Variants in ERBB4 observed in about 807,000 individuals in gnomAD.
The protein encoded by ERBB4 is receptor tyrosine-protein kinase erbB-4.
A neutral mutation model predicts 158.0 loss-of-function variants in ERBB4; 42 were observed. That is an observed-to-expected ratio of 0.27 (90% CI 0.21 to 0.34). ERBB4 has a LOEUF of 0.34. ERBB4 is among the 10% of genes least tolerant of loss of function. ERBB4 has a pLI of 1.00. For missense variants in ERBB4, 1,333 were observed against 1,624.1 expected, an observed-to-expected ratio of 0.82 and a Z score of 3.08; for synonymous variants, 583 against 558.7, an observed-to-expected ratio of 1.04 and a Z score of -0.61.
chr2:211,710,946 T>C (rs6435663), intron 9 of ERBB4, among the ~76,000 whole-genome samples: 105,232 of 151,578 alleles, frequency 0.69, 37,367 homozygotes, highest in African/African-American at 0.77. Context: ...CTGACTAATA[T>C]GGCTACCCAG....
intron 19 of ERBB4, among the ~76,000 whole-genome samples, chr2:211,611,425 G>GCTTTACTTTTGCTTTCA (rs2069193775): frequency 7.1e-6 from 1 of 140,722 alleles, no homozygotes; most frequent in South Asian, 2.1e-4. Context: ...TTTTGCTTTC[G>GCTTTACTTTTGCTTTCA]CTTTACTTTT....
rs529158613 is a variant in ERBB4, at chr2:211,422,052, C to G, written c.2919G>C (p.Glu973Asp). 6.2e-7 allele frequency: 1 copy of G among 1,612,624 alleles called. No homozygotes were observed. Among genetic ancestry groups the G allele is most frequent in the African/African-American group, 1.3e-5 (1 of 74,950 alleles). ...SRPKFKELAAEFSRMARDPQR... is the reference protein window; with the variant it reads ...SRPKFKELAADFSRMARDPQR... ...GAGGGTCTCGAGCCATCCTTGAAAA[C>G]TCAGCAGCCAGTTCCTTAAATTTAG... Residue 973 changes from glutamate (E) to aspartate (D), a missense_variant, in exon 24 of 28, where the codon GAG (glutamate) becomes GAC (aspartate). Physicochemically the swap from Glu to Asp is conservative, Grantham distance 45. This residue lies in a region of ERBB4 where 314 missense variants were observed against 437.6 expected (regional missense o/e 0.72). Coordinates refer to ENST00000342788, the MANE Select transcript of ERBB4 (RefSeq NM_005235.3).
intron 16 of ERBB4, among the ~76,000 whole-genome samples, chr2:211,657,401 C>T (rs747376560): frequency 2.0e-5 from 3 of 151,292 alleles, no homozygotes; most frequent in Non-Finnish European, 2.9e-5. Context: ...CCCAGCTACT[C>T]GGGAGGCTGA....
At chr2:212,019,819 G>A (rs76925934) in intron 2 of ERBB4, among the ~76,000 whole-genome samples, 5,371 of 149,512 alleles carry the variant, frequency 0.036, 358 homozygotes, top group African/African-American at 0.13. Flanking sequence ...AAGGAAGGAA[G>A]GGAGGGAGGG....
intron 1 of ERBB4, among the ~76,000 whole-genome samples, chr2:212,291,602 A>C (rs535100974): frequency 3.3e-5 from 5 of 152,114 alleles, no homozygotes; most frequent in African/African-American, 1.2e-4. Flanking sequence ...TTTCTTTTAT[A>C]TGGAAGTAAA....
chr2:211,518,474 T>C (rs573479003), intron 20 of ERBB4, among the ~76,000 whole-genome samples: 1 of 152,072 alleles, frequency 6.6e-6, no homozygotes, highest in Admixed American at 6.5e-5. Context: ...ACCAATATGG[T>C]GAAACCCTGT....
chr2:211,928,560 G>A (rs74650692), intron 3 of ERBB4, among the ~76,000 whole-genome samples: 6,636 of 152,204 alleles, frequency 0.044, 171 homozygotes, highest in African/African-American at 0.071. Context: ...CTTTCTTCCT[G>A]GGAGGAAGAA....
At chr2:212,065,320 G>GTA (rs2077910392) in intron 2 of ERBB4, among the ~76,000 whole-genome samples, 2 of 152,028 alleles carry the variant, frequency 1.3e-5, no homozygotes, top group African/African-American at 4.8e-5. Context: ...TCATTTTTGT[G>GTA]TATAAATCTT....
intron 1 of ERBB4, among the ~76,000 whole-genome samples, chr2:212,402,252 C>T (rs550145222): frequency 6.6e-6 from 1 of 152,082 alleles, no homozygotes. Flanking sequence ...GAAAAAAAGT[C>T]AATCTCAAAG....
intron 1 of ERBB4, among the ~76,000 whole-genome samples, chr2:212,507,134 T>G (rs1044024630): frequency 2.6e-5 from 4 of 152,148 alleles, no homozygotes; most frequent in South Asian, 2.1e-4. Context: ...ACTAGCCTAG[T>G]TGACAACACA....
intron 16 of ERBB4, among the ~76,000 whole-genome samples, chr2:211,655,791 T>G (rs1216433832): frequency 6.6e-6 from 1 of 152,222 alleles, no homozygotes; most frequent in Admixed American, 6.5e-5. Context: ...TCTCTAATTT[T>G]TTCATAATTT....
intron 1 of ERBB4, among the ~76,000 whole-genome samples, chr2:212,381,951 T>C (rs2090517117): frequency 6.6e-6 from 1 of 151,148 alleles, no homozygotes; most frequent in Non-Finnish European, 1.5e-5. Flanking sequence ...CCAGTGCCTG[T>C]GTGATATTCT....
chr2:211,703,425 GAA>G (rs1485420815), intron 11 of ERBB4, among the ~76,000 whole-genome samples: 1 of 151,924 alleles, frequency 6.6e-6, no homozygotes. Flanking sequence ...AACATTATTA[GAA>G]AATCAATGAT....
chr2:211,622,788 C>T (rs1314296902), intron 18 of ERBB4, among the ~76,000 whole-genome samples: 1 of 149,674 alleles, frequency 6.7e-6, no homozygotes, highest in Admixed American at 6.7e-5. Context: ...CATGGTGAAA[C>T]CTCATCTGTA....
At chr2:211,629,533 T>C (rs1319217469) in intron 17 of ERBB4, among the ~76,000 whole-genome samples, 2 of 152,074 alleles carry the variant, frequency 1.3e-5, no homozygotes, top group Non-Finnish European at 1.5e-5. Flanking sequence ...CTTCACAGAA[T>C]TGGAAAAAAC....
chr2:211,663,916 C>T (rs566632416), intron 15 of ERBB4, among the ~76,000 whole-genome samples: 2 of 151,790 alleles, frequency 1.3e-5, no homozygotes, highest in Non-Finnish European at 1.5e-5. Flanking sequence ...GTGAAATACT[C>T]TTAACTCAAG....
chr2:211,732,281 C>T (rs952749923), intron 5 of ERBB4, among the ~76,000 whole-genome samples: 1 of 151,838 alleles, frequency 6.6e-6, no homozygotes, highest in Non-Finnish European at 1.5e-5. Flanking sequence ...TAATTTTGCA[C>T]TTTAAGGATT....
intron 19 of ERBB4, among the ~76,000 whole-genome samples, chr2:211,598,301 G>C (rs540979015): frequency 6.6e-6 from 1 of 152,114 alleles, no homozygotes; most frequent in East Asian, 1.9e-4. Context: ...TGTGAAGCTT[G>C]AACTGGAAAA....
chr2:211,712,134 G>T lies in ERBB4; in HGVS notation c.1040C>A (p.Thr347Asn). The T allele has an allele frequency of 6.2e-7, 1 of 1,612,874 alleles. No individual in the cohort carries two copies. The highest frequency in any genetic ancestry group is 8.5e-7 in the Non-Finnish European group (1 of 1,178,932). ...TTTGTCAATGTTACTGGAATCCACA[G>T]TCTGAGCTGACATCAATGATCCTGT... Reference protein sequence around the residue: ...IGTGSLMSAQTVDSSNIDKFI... With the variant: ...IGTGSLMSAQNVDSSNIDKFI... Residue 347 changes from threonine to asparagine, a missense_variant, in exon 9 of 28, where the codon ACT becomes AAT. Physicochemically the swap from Thr to Asn is moderately conservative, Grantham distance 65. Around this residue, in one of 5 missense-constraint regions of ERBB4, gnomAD observed 438 missense variants for 586.9 expected, o/e 0.75. Transcript: ENST00000342788.
Sources: gnomAD v4.1 joint callset for allele counts (sites outside exome capture counted in the v4.1 genomes callset) on GRCh38, gnomAD v4.1.1 for gene constraint, gnomAD v4.1.1 regional missense constraint, MANE v1.5 for transcripts, NCBI Gene and HGNC (gene_info 2026-07-23, HGNC 2026-07-21) for gene names.